ELMO1: variants seen among roughly 807,000 people sequenced by gnomAD.
The protein encoded by ELMO1 is engulfment and cell motility 1.
Under a neutral mutation model 98.9 loss-of-function variants are expected in ELMO1, and 26 were observed. That is an observed-to-expected ratio of 0.26 (90% confidence interval 0.19 to 0.36). The LOEUF (loss-of-function observed/expected upper bound fraction) is 0.36, where lower values mean the gene tolerates loss of function less well. Among genes scored for constraint, ELMO1 ranks in the 10% least tolerant of loss-of-function variants. The pLI, the probability that ELMO1 is intolerant of heterozygous loss-of-function variation, is 1.00. For synonymous variants in ELMO1, 346 were observed against 346.0 expected (o/e 1.00, Z 0.00); for missense variants, 627 against 935.2 (o/e 0.67, Z 4.30).
Position 37,259,165 on chromosome 7 carries a change from G to A in ELMO1, c.413+16C>T. ...CACGCAGGACAGCTGTGGAAGTTAG[G>A]AAAAAAGACGCTTACTCAGTGCCGC... On this transcript the variant is annotated intron_variant, in intron 6 of 21. Transcript: ENST00000310758. The A allele has an allele frequency of 6.3e-7, 1 of 1,599,602 alleles. No homozygotes were observed. The highest frequency in any genetic ancestry group is 1.1e-5 in the South Asian group (1 of 90,040).
At chr7:37,090,050 A>G (rs924515725) in intron 15 of ELMO1, among the ~76,000 whole-genome samples, 3 of 152,204 alleles carry the variant, frequency 2.0e-5, no homozygotes, top group African/African-American at 7.2e-5. Flanking sequence ...AAAGAGATCC[A>G]CCGGAAGAGA....
intron 5 of ELMO1, among the ~76,000 whole-genome samples, chr7:37,261,037 T>C (rs1309334888): frequency 4.6e-5 from 7 of 152,274 alleles, no homozygotes; most frequent in South Asian, 4.1e-4. Context: ...ATTTACTATA[T>C]AGGTTATGAC....
intron 16 of ELMO1, among the ~76,000 whole-genome samples, chr7:36,967,966 T>C (rs1420310883): frequency 6.6e-6 from 1 of 152,242 alleles, no homozygotes; most frequent in African/African-American, 2.4e-5. Context: ...ATTAAATTTT[T>C]GTTTTAGTAA....
At chr7:37,053,627 G>A (rs1055825659) in intron 15 of ELMO1, among the ~76,000 whole-genome samples, 9 of 152,084 alleles carry the variant, frequency 5.9e-5, no homozygotes, top group South Asian at 2.1e-4. Context: ...TATTTATCAC[G>A]GGACTATTAA....
chr7:36,990,331 G>C (rs888821130), intron 16 of ELMO1, among the ~76,000 whole-genome samples: 13 of 152,208 alleles, frequency 8.5e-5, no homozygotes, highest in African/African-American at 3.1e-4. Flanking sequence ...ATGACTGCTT[G>C]TCAAGTTCCC....
intron 1 of ELMO1, among the ~76,000 whole-genome samples, chr7:37,358,891 G>A (rs1801593114): frequency 6.6e-6 from 1 of 152,196 alleles, no homozygotes; most frequent in Admixed American, 6.5e-5. Flanking sequence ...AGTGACTGAT[G>A]GCAGTGACTT....
intron 16 of ELMO1, among the ~76,000 whole-genome samples, chr7:36,996,155 T>C (rs1274035491): frequency 2.0e-5 from 3 of 152,204 alleles, no homozygotes; most frequent in African/African-American, 7.2e-5. Context: ...CCTTTTCTTT[T>C]GGAAATAGCT....
intron 1 of ELMO1, among the ~76,000 whole-genome samples, chr7:37,401,289 T>TC (rs1343443610): frequency 6.6e-6 from 1 of 152,136 alleles, no homozygotes; most frequent in African/African-American, 2.4e-5. Flanking sequence ...AGGGATGGGT[T>TC]CAGGACCTAC....
chr7:37,297,631 A>G (rs1401244737), intron 4 of ELMO1, among the ~76,000 whole-genome samples: 1 of 151,540 alleles, frequency 6.6e-6, no homozygotes, highest in Non-Finnish European at 1.5e-5. Context: ...AGACAGAGAG[A>G]GGAAGATAAA....
chr7:36,899,684 C>CTTTTTTTTTTTTTTTT (rs10522661), intron 16 of ELMO1, among the ~76,000 whole-genome samples: 13,568 of 63,126 alleles, frequency 0.21, 4,798 homozygotes, highest in Non-Finnish European at 0.3. Flanking sequence ...CTTTACTCAT[C>CTTTTTTTTTTTTTTTT]TTTTTTTTTT....
At chr7:36,976,206 C>G (rs1055621769) in intron 16 of ELMO1, among the ~76,000 whole-genome samples, 1 of 152,192 alleles carries the variant, frequency 6.6e-6, no homozygotes, top group African/African-American at 2.4e-5. Context: ...GGCCATCATC[C>G]ACTAATGCCT....
At chr7:37,209,159 A>G (rs1792818817) in intron 13 of ELMO1, among the ~76,000 whole-genome samples, 1 of 152,240 alleles carries the variant, frequency 6.6e-6, no homozygotes, top group African/African-American at 2.4e-5. Context: ...ATGTACTCTG[A>G]TTTTGGAATA....
intron 8 of ELMO1, among the ~76,000 whole-genome samples, chr7:37,227,839 C>A (rs1793951956): frequency 6.6e-6 from 1 of 152,114 alleles, no homozygotes; most frequent in Admixed American, 6.6e-5. Flanking sequence ...TATTTATATC[C>A]CACATACATA....
At chr7:37,306,221 A>G (rs138778019) in intron 4 of ELMO1, among the ~76,000 whole-genome samples, 2,029 of 152,322 alleles carry the variant, frequency 0.013, 18 homozygotes, top group Middle Eastern at 0.02. Flanking sequence ...AGTACCTGAA[A>G]TAATAGGAGG....
chr7:37,071,236 TGAGTGGAAGAAGAGAGACACA>T (rs1797251960), intron 15 of ELMO1, among the ~76,000 whole-genome samples: 1 of 152,112 alleles, frequency 6.6e-6, no homozygotes, highest in Non-Finnish European at 1.5e-5. Flanking sequence ...ACCAGTATAT[TGAGTGGAAGAAGAGAGACACA>T]AAAAGCTACA....
intron 13 of ELMO1, 109 bp from the exon 14 acceptor site, chr7:37,133,343 A>G (rs1787053352): frequency 1.3e-6 from 1 of 743,286 alleles, no homozygotes; most frequent in South Asian, 2.1e-5. Flanking sequence ...GTAAGGTCCA[A>G]ATAATCAAAC....
intron 6 of ELMO1, among the ~76,000 whole-genome samples, chr7:37,245,338 T>A (rs892229650): frequency 5.7e-4 from 87 of 152,264 alleles, no homozygotes; most frequent in South Asian, 1.2e-3. Flanking sequence ...GACAATAGCG[T>A]AATGTGAGGC....
chr7:37,261,684 C>A (rs997950949), intron 5 of ELMO1, among the ~76,000 whole-genome samples: 1 of 152,090 alleles, frequency 6.6e-6, no homozygotes, highest in African/African-American at 2.4e-5. Flanking sequence ...CTCACTGCAA[C>A]CTCCGCCTCC....
At chr7:37,190,644 C>T (rs1027313295) in intron 13 of ELMO1, among the ~76,000 whole-genome samples, 10 of 151,980 alleles carry the variant, frequency 6.6e-5, no homozygotes, top group African/African-American at 2.2e-4. Context: ...ATTACGGGCA[C>T]CCTGCCAATC....
Sources: gnomAD v4.1 joint callset for allele counts (sites outside exome capture counted in the v4.1 genomes callset) on GRCh38, gnomAD v4.1.1 for gene constraint, MANE v1.5 for transcripts, NCBI Gene and HGNC (gene_info 2026-07-23, HGNC 2026-07-21) for gene names.